FAM114A1: variants seen among roughly 807,000 people sequenced by gnomAD.
FAM114A1 encodes protein NOXP20.
A neutral mutation model predicts 64.3 loss-of-function variants in FAM114A1; 62 were observed. That is an observed-to-expected ratio of 0.96 (90% CI 0.79 to 1.19). The LOEUF (loss-of-function observed/expected upper bound fraction) is 1.19. FAM114A1 is among the 50% of genes most tolerant of loss of function. The pLI, the probability that FAM114A1 is intolerant of heterozygous loss-of-function variation, is 0.00. For missense variants in FAM114A1, 645 were observed against 676.3 expected, an observed-to-expected ratio of 0.95 and a Z score of 0.51; for synonymous variants, 254 against 251.1, an observed-to-expected ratio of 1.01 and a Z score of -0.11.
At chr4:38,889,206 G>A (rs1032568265) in intron 3 of FAM114A1, among the ~76,000 whole-genome samples, 1 of 152,176 alleles carries the variant, frequency 6.6e-6, no homozygotes, top group Non-Finnish European at 1.5e-5. Flanking sequence ...CATAGGTAGT[G>A]ATTTGTCCTG....
chr4:38,927,063 C>A (rs532006450), intron 9 of FAM114A1, among the ~76,000 whole-genome samples: 1 of 152,196 alleles, frequency 6.6e-6, no homozygotes, highest in Admixed American at 6.5e-5. Context: ...GTCCTTGCTG[C>A]TCCCATGGAT....
intron 2 of FAM114A1, among the ~76,000 whole-genome samples, chr4:38,876,162 C>CTTTTTTTTTT (rs1310747810): frequency 1.0e-5 from 1 of 99,266 alleles, no homozygotes; most frequent in Non-Finnish European, 1.8e-5. Flanking sequence ...TAGACTTATT[C>CTTTTTTTTTT]TTTTTTCTTT....
intron 7 of FAM114A1, among the ~76,000 whole-genome samples, chr4:38,912,705 C>G (rs1013003055): frequency 6.6e-6 from 1 of 152,094 alleles, no homozygotes; most frequent in African/African-American, 2.4e-5. Context: ...TGAGTGAGTC[C>G]ACATCTTTCC....
At position 38,940,967 on chromosome 4, in the gene FAM114A1, G is replaced by C. The variant is rs374208318; in HGVS notation, c.1537-1G>C. 4.3e-6 allele frequency: 7 copies of C among 1,613,986 alleles called. No individual in the cohort carries two copies. Among genetic ancestry groups the C allele is most frequent in the Non-Finnish European group, 5.9e-6 (7 of 1,179,992 alleles). On this transcript the variant is annotated splice_acceptor_variant, in intron 13 of 14. Coordinates refer to ENST00000358869, the MANE Select transcript of FAM114A1 (RefSeq NM_138389.4). LOFTEE classifies it high-confidence loss of function. ...TCAATTTCATACTTCTGATTCCACA[G>C]AGCAACAAGAAGGCCGAGGTCCTTA... is the stretch of plus-strand genomic sequence containing the variant.
intron 3 of FAM114A1, among the ~76,000 whole-genome samples, 155 bp downstream of exon 3, chr4:38,878,581 A>G (rs916102017): frequency 6.6e-6 from 1 of 152,130 alleles, no homozygotes; most frequent in Non-Finnish European, 1.5e-5. Flanking sequence ...GATTAGACAT[A>G]TATAAAAATA....
At chr4:38,872,046 C>G (rs781646510) in intron 2 of FAM114A1, among the ~76,000 whole-genome samples, 12 of 152,194 alleles carry the variant, frequency 7.9e-5, no homozygotes, top group Non-Finnish European at 1.5e-5. Flanking sequence ...TATTTCTTGT[C>G]GATCCACATA....
At chr4:38,906,131 A>G (rs1210755582) in intron 6 of FAM114A1, among the ~76,000 whole-genome samples, 1 of 152,224 alleles carries the variant, frequency 6.6e-6, no homozygotes, top group East Asian at 1.9e-4. Flanking sequence ...TGTCCTTTCC[A>G]GCTGCGGCAA....
chr4:38,870,023 T>A (rs1713871587), intron 2 of FAM114A1, among the ~76,000 whole-genome samples: 1 of 152,162 alleles, frequency 6.6e-6, no homozygotes, highest in African/African-American at 2.4e-5. Context: ...TCCAGATCAG[T>A]TTGTCCATCC....
chr4:38,891,761 A>C lies in FAM114A1; in HGVS notation c.367A>C (p.Ser123Arg). The C allele has an allele frequency of 6.2e-7, 1 of 1,610,470 alleles. No individual in the cohort carries two copies. The highest frequency in any genetic ancestry group is 8.5e-7 in the Non-Finnish European group (1 of 1,178,496). The part of the protein sequence containing the change: ...QNYLAVDSPP[S>R]GGGWAGWGSW... ...TCTCCAGGCTGTGGATTCCCCTCCA[A>C]GTGGAGGAGGATGGGCAGGCTGGGG... The change falls in exon 4 of 15, where the codon AGT becomes CGT. Residue 123 changes from serine (S) to arginine (R), a missense_variant. Coordinates refer to ENST00000358869, the MANE Select transcript of FAM114A1 (RefSeq NM_138389.4).
intron 12 of FAM114A1, among the ~76,000 whole-genome samples, chr4:38,935,060 G>A (rs1208041113): frequency 1.3e-5 from 2 of 151,884 alleles, no homozygotes; most frequent in Non-Finnish European, 2.9e-5. Flanking sequence ...GATTACAGGC[G>A]CCTGCCACCA....
chr4:38,901,440 G>A (rs140425430), intron 4 of FAM114A1, among the ~76,000 whole-genome samples: 2,408 of 152,114 alleles, frequency 0.016, 80 homozygotes, highest in African/African-American at 0.054. Context: ...GGCGCCTGCC[G>A]CCACACCCGG....
chr4:38,908,528 T>C (rs867233669), intron 6 of FAM114A1, 64 bp from the exon 7 acceptor site: 80 of 1,487,268 alleles, frequency 5.4e-5, no homozygotes, highest in South Asian at 7.1e-5. Flanking sequence ...TACCTAGGAG[T>C]TGCTGACTGC....
intron 4 of FAM114A1, among the ~76,000 whole-genome samples, chr4:38,895,647 T>C (rs996058886): frequency 6.6e-6 from 1 of 152,150 alleles, no homozygotes; most frequent in Non-Finnish European, 1.5e-5. Flanking sequence ...CTCAATACGG[T>C]CATGCTTCAC....
At chr4:38,941,763 G>A (rs1721594490) in intron 14 of FAM114A1, among the ~76,000 whole-genome samples, 1 of 152,188 alleles carries the variant, frequency 6.6e-6, no homozygotes, top group Non-Finnish European at 1.5e-5. Context: ...GAAGGCACAA[G>A]GTGTTAACAA....
intron 4 of FAM114A1, among the ~76,000 whole-genome samples, chr4:38,893,324 A>G (rs1579321781): frequency 6.6e-6 from 1 of 152,368 alleles, no homozygotes; most frequent in Non-Finnish European, 1.5e-5. Flanking sequence ...AGTAAATAAT[A>G]TGGTCACTAA....
At chr4:38,885,517 T>A (rs1229033091) in intron 3 of FAM114A1, among the ~76,000 whole-genome samples, 1 of 152,190 alleles carries the variant, frequency 6.6e-6, no homozygotes, top group Non-Finnish European at 1.5e-5. Flanking sequence ...CCTCAAGTGA[T>A]CCTCCTGCCT....
chr4:38,925,984 C>G (rs1484975387), intron 9 of FAM114A1, among the ~76,000 whole-genome samples: 2 of 152,124 alleles, frequency 1.3e-5, no homozygotes, highest in Admixed American at 1.3e-4. Flanking sequence ...GTGTTGATTC[C>G]TCCCAAATAC....
intron 7 of FAM114A1, 189 bp from the exon 8 acceptor site, chr4:38,914,732 T>C: frequency 1.8e-6 from 1 of 570,334 alleles, no homozygotes; most frequent in Non-Finnish European, 2.9e-6. Context: ...ATGTAAAATG[T>C]GAAGTAGGAT....
intron 3 of FAM114A1, among the ~76,000 whole-genome samples, chr4:38,882,322 A>AG (rs1474072976): frequency 6.8e-6 from 1 of 146,806 alleles, no homozygotes; most frequent in Non-Finnish European, 1.5e-5. Flanking sequence ...CCGTCTCAAA[A>AG]AAAAAAAAAA....
Sources: gnomAD v4.1 joint callset for allele counts (sites outside exome capture counted in the v4.1 genomes callset) on GRCh38, gnomAD v4.1.1 for gene constraint, MANE v1.5 for transcripts, NCBI Gene and HGNC (gene_info 2026-07-23, HGNC 2026-07-21) for gene names.